CTNNA3: variants seen among roughly 807,000 people sequenced by gnomAD.
CTNNA3 encodes the protein catenin alpha 3.
In CTNNA3, 76 loss-of-function variants were observed where a neutral mutation model predicts 95.7. The observed-to-expected ratio is 0.79, with a 90% CI of 0.66 to 0.96. The LOEUF (loss-of-function observed/expected upper bound fraction) is 0.96, where lower values mean the gene tolerates loss of function less well. Ranked by LOEUF, CTNNA3 falls within the 40% of genes least tolerant of loss-of-function variation. The pLI is 0.00. For synonymous variants in CTNNA3, 431 were observed against 374.4 expected, an observed-to-expected ratio of 1.15 and a Z score of -1.74; for missense variants, 1,191 against 1,089.8, an observed-to-expected ratio of 1.09 and a Z score of -1.31.
intron 12 of CTNNA3, among the ~76,000 whole-genome samples, chr10:66,339,802 G>T (rs2092434984): frequency 6.6e-6 from 1 of 151,592 alleles, no homozygotes; most frequent in Non-Finnish European, 1.5e-5. Flanking sequence ...CTAGACTTCT[G>T]GTTTACCTAT....
chr10:67,470,868 C>T (rs902287711), intron 5 of CTNNA3, among the ~76,000 whole-genome samples: 1 of 152,140 alleles, frequency 6.6e-6, no homozygotes, highest in African/African-American at 2.4e-5. Flanking sequence ...GCAGTCTTGA[C>T]CTCCCAGGAT....
intron 1 of CTNNA3, among the ~76,000 whole-genome samples, chr10:67,740,499 G>C (rs1353158522): frequency 6.6e-6 from 1 of 151,208 alleles, no homozygotes; most frequent in Non-Finnish European, 1.5e-5. Context: ...GTGGGCAAAG[G>C]ACATGAACAG....
At chr10:66,487,900 T>C (rs2131924596) in intron 11 of CTNNA3, among the ~76,000 whole-genome samples, 1 of 152,236 alleles carries the variant, frequency 6.6e-6, no homozygotes, top group South Asian at 2.1e-4. Flanking sequence ...TCAAAATCCA[T>C]CTGGAAAATC....
At chr10:67,567,978 T>C (rs188444466) in intron 3 of CTNNA3, among the ~76,000 whole-genome samples, 2 of 152,242 alleles carry the variant, frequency 1.3e-5, no homozygotes, top group Non-Finnish European at 2.9e-5. Flanking sequence ...TGCATGTTTG[T>C]AGAGCTTAGG....
At chr10:66,223,764 T>G (rs1468964950) in intron 13 of CTNNA3, among the ~76,000 whole-genome samples, 1 of 152,200 alleles carries the variant, frequency 6.6e-6, no homozygotes, top group Non-Finnish European at 1.5e-5. Flanking sequence ...GGGTGCCAGA[T>G]AAAATATTCT....
intron 5 of CTNNA3, among the ~76,000 whole-genome samples, chr10:67,315,489 A>G (rs962999078): frequency 6.6e-6 from 1 of 152,188 alleles, no homozygotes; most frequent in East Asian, 1.9e-4. Context: ...CTAAACTGAT[A>G]GGCCATCTCA....
At chr10:67,158,158 T>G (rs777007971) in intron 7 of CTNNA3, among the ~76,000 whole-genome samples, 1 of 152,122 alleles carries the variant, frequency 6.6e-6, no homozygotes, top group Non-Finnish European at 1.5e-5. Flanking sequence ...TAAACCATCT[T>G]TCTTCCTACT....
rs537995090 is a variant in CTNNA3 at position 67,734,552 on chromosome 10, T to C, written c.-2+28882A>G. On this transcript the variant is annotated intron_variant, in intron 1 of 17. Transcript: ENST00000684154. ...ACATGAGTTAAATCATTAGTCAAAA[T>C]AAGAAGATACTATCTCTTGCTTATT... is the stretch of plus-strand genomic sequence containing the variant. Among the ~76,000 whole-genome samples, 135 of 152,246 alleles carry C rather than the reference T, an allele frequency of 8.9e-4. 1 individual carries two copies. The highest frequency in any genetic ancestry group is 3.1e-3 in the African/African-American group (130 of 41,580).
chr10:67,613,639 A>C (rs905966795), intron 2 of CTNNA3, among the ~76,000 whole-genome samples: 1 of 152,044 alleles, frequency 6.6e-6, no homozygotes, highest in East Asian at 1.9e-4. Context: ...GCCCCCCCCA[A>C]CAAAGACACG....
At chr10:67,162,379 T>A (rs1861590111) in intron 7 of CTNNA3, among the ~76,000 whole-genome samples, 1 of 148,702 alleles carries the variant, frequency 6.7e-6, no homozygotes, top group Admixed American at 6.6e-5. Context: ...ATAGACCATA[T>A]CCTGGGCCAT....
chr10:67,234,754 C>G (rs1369974858), intron 5 of CTNNA3, among the ~76,000 whole-genome samples: 5 of 152,054 alleles, frequency 3.3e-5, no homozygotes, highest in Non-Finnish European at 7.3e-5. Flanking sequence ...GATTGTATAT[C>G]TAGAAAACCC....
At chr10:67,004,376 G>C (rs1341753021) in intron 7 of CTNNA3, among the ~76,000 whole-genome samples, 5 of 152,214 alleles carry the variant, frequency 3.3e-5, no homozygotes, top group Admixed American at 2.6e-4. Context: ...TGATGAGGAT[G>C]AGAAAAGGAG....
chr10:66,289,129 A>C (rs548194833), intron 12 of CTNNA3, among the ~76,000 whole-genome samples: 4 of 151,954 alleles, frequency 2.6e-5, no homozygotes, highest in Non-Finnish European at 5.9e-5. Context: ...CCAATTTGTT[A>C]CTTTCATTCT....
chr10:66,431,586 G>A (rs1307061664), intron 11 of CTNNA3, among the ~76,000 whole-genome samples: 1 of 151,992 alleles, frequency 6.6e-6, no homozygotes, highest in Non-Finnish European at 1.5e-5. Flanking sequence ...ATGAGTTCAT[G>A]TCCTTTGTAG....
intron 9 of CTNNA3, among the ~76,000 whole-genome samples, chr10:66,708,919 T>G (rs1362280908): frequency 6.6e-6 from 1 of 152,090 alleles, no homozygotes; most frequent in East Asian, 1.9e-4. Context: ...CCGTTTTTTC[T>G]TTTCCATTTT....
At chr10:66,692,559 C>G (rs1847590677) in intron 9 of CTNNA3, among the ~76,000 whole-genome samples, 1 of 152,130 alleles carries the variant, frequency 6.6e-6, no homozygotes, top group African/African-American at 2.4e-5. Flanking sequence ...TCCAGAAGAA[C>G]TTCCCCAATC....
intron 1 of CTNNA3, among the ~76,000 whole-genome samples, chr10:67,692,073 G>T (rs1016146003): frequency 2.7e-5 from 4 of 146,294 alleles, no homozygotes; most frequent in Non-Finnish European, 4.5e-5. Flanking sequence ...GAGGTGGGGG[G>T]GTCAGCCCCC....
At chr10:66,248,504 T>A (rs1054851989) in intron 13 of CTNNA3, among the ~76,000 whole-genome samples, 6 of 151,896 alleles carry the variant, frequency 4.0e-5, no homozygotes, top group African/African-American at 1.2e-4. Context: ...AAAAACATAC[T>A]TCCCCTATAA....
chr10:66,498,630 A>C (rs2456683), intron 11 of CTNNA3, among the ~76,000 whole-genome samples: 96,449 of 151,616 alleles, frequency 0.64, 30,981 homozygotes, highest in Admixed American at 0.69. Flanking sequence ...ATTTTACATT[A>C]GGTAATAAAG....
Sources: allele counts gnomAD v4.1 joint callset (sites outside exome capture counted in the v4.1 genomes callset), GRCh38; gene constraint gnomAD v4.1.1; transcripts MANE v1.5; gene names NCBI Gene and HGNC (gene_info 2026-07-23, HGNC 2026-07-21).